SKP1: variants seen among roughly 807,000 people sequenced by gnomAD.
The protein encoded by SKP1 is S-phase kinase associated protein 1.
A neutral mutation model predicts 21.5 loss-of-function variants in SKP1; 1 was observed. The ratio of observed to expected loss-of-function variants is 0.05; its 90% CI spans 0.02 to 0.22. The LOEUF is 0.22. Ranked by LOEUF, SKP1 falls within the 10% of genes least tolerant of loss-of-function variation. The pLI, the probability that SKP1 is intolerant of heterozygous loss-of-function variation, is 1.00. For missense variants in SKP1, 70 were observed against 192.0 expected (o/e 0.36, Z 3.76); for synonymous variants, 59 against 59.3 (o/e 0.99, Z 0.03).
intron 3 of SKP1, among the ~76,000 whole-genome samples, chr5:134,162,572 A>AT (rs1236345867): frequency 1.3e-5 from 2 of 151,140 alleles, no homozygotes; most frequent in Non-Finnish European, 3.0e-5. Context: ...CACCCAGCTA[A>AT]TTTTTTTTTA....
intron 2 of SKP1, 195 bp downstream of exon 2, chr5:134,173,731 G>A (rs758269071): frequency 2.5e-5 from 17 of 673,976 alleles, no homozygotes; most frequent in Middle Eastern, 2.4e-4. Flanking sequence ...ATGAGAGAAC[G>A]ACCCTCACTA....
At chr5:134,171,016 A>T (rs1761428862) in intron 2 of SKP1, 1 of 456,088 alleles carries the variant, frequency 2.2e-6, no homozygotes, top group South Asian at 1.5e-5. Context: ...CTCTTCATTC[A>T]ATAGGTACTT....
At chr5:134,170,763 G>C (rs1331489902) in intron 2 of SKP1, among the ~76,000 whole-genome samples, 1 of 152,198 alleles carries the variant, frequency 6.6e-6, no homozygotes, top group African/African-American at 2.4e-5. Flanking sequence ...AGTGATCAAA[G>C]CTGGCATGGT....
At chr5:134,174,956 C>T (rs1761511817) in intron 1 of SKP1, 1 of 152,152 alleles carries the variant, frequency 6.6e-6, no homozygotes, top group African/African-American at 2.4e-5. Context: ...TTCAAGGCCT[C>T]TTAAAACTCA....
intron 2 of SKP1, among the ~76,000 whole-genome samples, chr5:134,170,192 A>G (rs1761415393): frequency 6.6e-6 from 1 of 152,138 alleles, no homozygotes; most frequent in African/African-American, 2.4e-5. Context: ...ATAAAATAAA[A>G]TAAAGGCTTT....
intron 2 of SKP1, 144 bp downstream of exon 2, chr5:134,173,782 G>A (rs910874456): frequency 2.5e-5 from 18 of 706,974 alleles, no homozygotes; most frequent in Admixed American, 4.0e-5. Flanking sequence ...TCAGAAAAAT[G>A]TAAGTTATAA....
chr5:134,164,760 G>A (rs542519199), intron 3 of SKP1, among the ~76,000 whole-genome samples: 117 of 152,270 alleles, frequency 7.7e-4, no homozygotes, highest in Non-Finnish European at 1.3e-3. Flanking sequence ...CAAACTGGTA[G>A]AAACTTTTAA....
At chr5:134,160,039 A>G (rs9763195) in intron 4 of SKP1, among the ~76,000 whole-genome samples, 2,010 of 152,028 alleles carry the variant, frequency 0.013, 36 homozygotes, top group African/African-American at 0.045. Flanking sequence ...CTTGAAAAGA[A>G]TATGTATTCT....
At chr5:134,164,038 C>T (rs554518705) in intron 3 of SKP1, among the ~76,000 whole-genome samples, 8 of 152,070 alleles carry the variant, frequency 5.3e-5, no homozygotes, top group African/African-American at 1.7e-4. Context: ...AGATTATCTT[C>T]GGCCAGGGAT....
intron 3 of SKP1, among the ~76,000 whole-genome samples, chr5:134,162,661 ACAGG>A (rs1365819259): frequency 6.6e-6 from 1 of 152,178 alleles, no homozygotes; most frequent in African/African-American, 2.4e-5. Flanking sequence ...TGCTGGGATT[ACAGG>A]CGTGAGCCAC....
At chr5:134,165,167 T>C (rs1319824382) in intron 3 of SKP1, among the ~76,000 whole-genome samples, 1 of 152,124 alleles carries the variant, frequency 6.6e-6, no homozygotes, top group Non-Finnish European at 1.5e-5. Flanking sequence ...TGGTGATAGC[T>C]GCACAACACT....
Position 134,149,342 on chromosome 5 carries a change from C to T in SKP1, c.*8391G>A, listed in dbSNP as rs1319711400. On this transcript the variant is annotated 3_prime_UTR_variant, in exon 6 of 6. Transcript: ENST00000353411. Reference sequence around the variant, plus strand: ...AACCCACTTTTTACATGAGTTTCCACCAAGTACACTGCTGTCTTCCTGAGA... The same window carrying T: ...AACCCACTTTTTACATGAGTTTCCATCAAGTACACTGCTGTCTTCCTGAGA... 1.3e-5 allele frequency: 2 copies of T among 152,188 alleles called. No individual in the cohort carries two copies. The highest frequency in any genetic ancestry group is 4.8e-5 in the African/African-American group (2 of 41,432). 9.4% of individuals were successfully genotyped at this position (152,188 alleles called of 1,614,324 possible).
chr5:134,169,621 T>G (rs1761400998), intron 2 of SKP1, among the ~76,000 whole-genome samples: 1 of 152,170 alleles, frequency 6.6e-6, no homozygotes, highest in East Asian at 1.9e-4. Flanking sequence ...TCCTAGCACT[T>G]TGGGAGGCCG....
rs1463649710 is a variant in SKP1, at chr5:134,151,382, A to G, written c.*6351T>C. 1 of 215,722 alleles carries G rather than the reference A, an allele frequency of 4.6e-6. No homozygotes were observed. The highest frequency in any genetic ancestry group is 9.8e-6 in the Non-Finnish European group (1 of 102,402). The allele number at this position is 215,722 out of a possible 1,614,324, so 13.4% of individuals were successfully genotyped here. On this transcript the variant is annotated 3_prime_UTR_variant, in exon 6 of 6. Transcript: ENST00000353411. Reference sequence around the variant, plus strand: ...GCTTGAGTACTTGAGGATAGAGTACAGCTTCTCTATTTTCCCACCCCTTTC... The same window carrying G: ...GCTTGAGTACTTGAGGATAGAGTACGGCTTCTCTATTTTCCCACCCCTTTC...
chr5:134,155,770 T>C lies in SKP1; in HGVS notation c.*1963A>G, dbSNP rs1278614975. 6.6e-6 allele frequency: 1 copy of C among 152,174 alleles called. No homozygotes were observed. The highest frequency in any genetic ancestry group is 2.4e-5 in the African/African-American group (1 of 41,436). The allele number at this position is 152,174 out of a possible 1,614,324, so 9.4% of individuals were successfully genotyped here. ...GTAATCCTGGACCTTCAGTGAAGATTTGTTTGTCATAATACTGCTAAGGAT... is the reference window on the plus strand; with the variant it reads ...GTAATCCTGGACCTTCAGTGAAGATCTGTTTGTCATAATACTGCTAAGGAT... On this transcript the variant is annotated 3_prime_UTR_variant, in exon 6 of 6. Coordinates refer to ENST00000353411, the MANE Select transcript of SKP1 (RefSeq NM_170679.3).
Position 134,167,346 on chromosome 5 carries a change from G to A in SKP1, c.98-103C>T, listed in dbSNP as rs1761350974. 4.1e-6 allele frequency: 3 copies of A among 738,834 alleles called. No individual in the cohort carries two copies. In the South Asian group the frequency reaches 4.9e-5, roughly 12 times the overall value. 45.8% of individuals were successfully genotyped at this position (738,834 alleles called of 1,614,324 possible). ...TAAGAGTCAGCCCCCATATCCATGA[G>A]TTCTACATCTGTGGATTCAACCAAC... On this transcript the variant is annotated intron_variant, in intron 2 of 5. Coordinates refer to ENST00000353411, the MANE Select transcript of SKP1 (RefSeq NM_170679.3).
At position 134,157,541 on chromosome 5, in the gene SKP1, T is replaced by C; in HGVS notation, c.*192A>G. The stretch of plus-strand genomic sequence containing the variant: ...AGAAAAAAGAAACTTTCCATCATAC[T>C]AGAAGAAACTTGGCCGTAAGGTTTG... On this transcript the variant is annotated 3_prime_UTR_variant, in exon 6 of 6. Coordinates refer to ENST00000353411, the MANE Select transcript of SKP1 (RefSeq NM_170679.3). The C allele has an allele frequency of 5.2e-6, 3 of 578,172 alleles. No individual in the cohort carries two copies. Among genetic ancestry groups the C allele is most frequent in the Non-Finnish European group, 9.3e-6 (3 of 322,218 alleles). 35.8% of individuals were successfully genotyped at this position (578,172 alleles called of 1,614,324 possible). A position where few individuals can be genotyped will look rare whatever the true frequency, so the allele number is the denominator to read the frequency against.
At chr5:134,160,126 T>G (rs1315406372) in intron 4 of SKP1, among the ~76,000 whole-genome samples, 2 of 151,648 alleles carry the variant, frequency 1.3e-5, no homozygotes, top group Admixed American at 1.3e-4. Flanking sequence ...GAGGCCTAGG[T>G]AGGTGGATCA....
chr5:134,174,795 C>T (rs1296763962), intron 1 of SKP1: 1 of 143,510 alleles, frequency 7.0e-6, no homozygotes, highest in Non-Finnish European at 1.5e-5. Context: ...TTTCAAAGGA[C>T]TTGAGTTCTG....
Sources: gnomAD v4.1 joint callset for allele counts (sites outside exome capture counted in the v4.1 genomes callset) on GRCh38, gnomAD v4.1.1 for gene constraint, MANE v1.5 for transcripts, NCBI Gene and HGNC (gene_info 2026-07-23, HGNC 2026-07-21) for gene names.